IL18BP: variants seen among roughly 807,000 people sequenced by gnomAD.
The protein encoded by IL18BP is interleukin 18 binding protein, also known as interleukin-18-binding protein.
IL18BP carries 23 observed loss-of-function variants against 19.9 expected under a neutral mutation model. The observed-to-expected ratio is 1.15, with a 90% CI of 0.83 to 1.64. The LOEUF (loss-of-function observed/expected upper bound fraction) is 1.64. IL18BP is among the 40% of genes most tolerant of loss of function. IL18BP has a pLI of 0.00. For synonymous variants in IL18BP, 107 were observed against 101.0 expected (o/e 1.06, Z -0.35); for missense variants, 239 against 240.7 (o/e 0.99, Z 0.05).
At chr11:71,999,164 G>A (rs1278386015) in intron 1 of IL18BP, 145 bp downstream of exon 1, 1 of 517,020 alleles carries the variant, frequency 1.9e-6, no homozygotes, top group Non-Finnish European at 3.9e-6. Flanking sequence ...GCCTGGGAAA[G>A]GCCAGGATGT....
downstream of IL18BP, chr11:72,005,482 C>A: frequency 1.0e-6 from 1 of 991,580 alleles, no homozygotes. Context: ...TGAAGCCCAG[C>A]ACACCAGTCT....
intron 1 of IL18BP, 72 bp downstream of exon 1, chr11:71,999,091 G>A (rs149752527): frequency 2.0e-6 from 1 of 502,002 alleles, no homozygotes; most frequent in African/African-American, 1.9e-5. Flanking sequence ...AGAGACAGAG[G>A]GTGTGATGGT....
Position 71,998,997 on chromosome 11 carries a change from C to G in IL18BP, c.-81C>G. 3.0e-6 allele frequency: 1 copy of G among 338,332 alleles called. No individual in the cohort carries two copies. The highest frequency in any genetic ancestry group is 2.4e-5 in the South Asian group (1 of 40,868). The allele number at this position is 338,332 out of a possible 1,614,324, so 21.0% of individuals were successfully genotyped here. A position where few individuals can be genotyped will look rare whatever the true frequency, so the allele number is the denominator to read the frequency against. On this transcript the variant is annotated 5_prime_UTR_variant, in exon 1 of 6. Transcript: ENST00000393703. The stretch of plus-strand genomic sequence containing the variant: ...AGGGAAGCTTCTGGAAAGGAAGGCT[C>G]TTCAGGACCTCTTAGGAGCCAGGTA...
rs1955289880 is a variant in IL18BP at position 72,002,150 on chromosome 11, A to G, written c.*289A>G. The G allele has an allele frequency of 4.1e-6, 2 of 488,134 alleles. No individual in the cohort carries two copies. The highest frequency in any genetic ancestry group is 3.1e-5 in the South Asian group (1 of 32,568). The allele number at this position is 488,134 out of a possible 1,614,324, so 30.2% of individuals were successfully genotyped here. ...ACTGCTCTACTGCTCAGAAACCACCAAGACTGTTGATGCCTTAGCCTTGCA... is the reference window on the plus strand; with the variant it reads ...ACTGCTCTACTGCTCAGAAACCACCGAGACTGTTGATGCCTTAGCCTTGCA... On this transcript the variant is annotated 3_prime_UTR_variant, in exon 6 of 6. Transcript: ENST00000393703.
chr11:72,001,469 G>A lies in IL18BP; in HGVS notation c.424G>A (p.Ala142Thr). 6.2e-7 allele frequency: 1 copy of A among 1,614,150 alleles called. No individual in the cohort carries two copies. The highest frequency in any genetic ancestry group is 8.5e-7 in the Non-Finnish European group (1 of 1,180,022). ...KALVLEQLTP[A>T]LHSTNFSCVL... ...CTTGGTGCTGGAGCAGCTGACCCCT[G>A]CCCTGCACAGCACCAACTTCTCCTG... Residue 142 changes from alanine to threonine, a missense_variant, in exon 5 of 6, where the codon GCC (alanine) becomes ACC (threonine). Coordinates refer to ENST00000393703, the MANE Select transcript of IL18BP (RefSeq NM_001039660.2).
At position 72,001,433 on chromosome 11, in the gene IL18BP, C is replaced by G. The variant is rs1359180883; in HGVS notation, c.388C>G (p.Leu130Val). 1.2e-5 allele frequency: 19 copies of G among 1,614,130 alleles called. No homozygotes were observed. In the Admixed American group the frequency reaches 3.2e-4, roughly 27 times the overall value. Residue 130 changes from leucine (L) to valine (V), a missense_variant, in exon 5 of 6, where the codon CTG becomes GTG. Coordinates refer to ENST00000393703, the MANE Select transcript of IL18BP (RefSeq NM_001039660.2). ...GGAACGTGGGAGCACAGGTACGCAG[C>G]TGTGCAAGGCCTTGGTGCTGGAGCA... Reference protein sequence around the residue: ...SRERGSTGTQLCKALVLEQLT... With the variant: ...SRERGSTGTQVCKALVLEQLT...
downstream of IL18BP, chr11:72,004,897 A>C: frequency 7.5e-7 from 1 of 1,327,234 alleles, no homozygotes; most frequent in Non-Finnish European, 1.0e-6. Flanking sequence ...AGAACTCTAC[A>C]CTCGCCCGAC....
chr11:72,004,377 AGAG>A, downstream of IL18BP: 1 of 1,575,352 alleles, frequency 6.3e-7, no homozygotes, highest in Non-Finnish European at 8.7e-7. Flanking sequence ...GACAGTAGCA[AGAG>A]GAGTCACATC....
intron 1 of IL18BP, chr11:71,999,492 C>T (rs1955098761): frequency 1.4e-5 from 3 of 214,938 alleles, no homozygotes; most frequent in South Asian, 6.2e-5. Context: ...TTTCTGGCCA[C>T]TGAACTTTGG....
intron 1 of IL18BP, chr11:71,999,563 A>AG (rs989005531): frequency 1.4e-5 from 3 of 219,624 alleles, no homozygotes; most frequent in Non-Finnish European, 2.8e-5. Context: ...AGTGAAATAG[A>AG]GGGTCGGGGC....
At chr11:71,999,672 T>G in intron 1 of IL18BP, 1 of 381,530 alleles carries the variant, frequency 2.6e-6, no homozygotes. Flanking sequence ...GGTGAGTCCA[T>G]ATTCTCTCTT....
chr11:72,006,707 C>A (rs2134496752), downstream of IL18BP, among the ~76,000 whole-genome samples: 1 of 152,304 alleles, frequency 6.6e-6, no homozygotes, highest in Middle Eastern at 3.4e-3. Context: ...CCAGAACTTC[C>A]CCAACTTCTT....
rs746719113 is a variant in IL18BP, at chr11:72,001,519, T to C, written c.474T>C (p.Val158=). Residue 158 remains valine, a synonymous_variant, in exon 5 of 6, where the codon GTT becomes GTC. Coordinates refer to ENST00000393703, the MANE Select transcript of IL18BP (RefSeq NM_001039660.2). ...GTGTGCTCGTGGACCCTGAACAGGTTGTCCAGCGTCACGTCGTCCTGGCCC... is the reference window on the plus strand; with the variant it reads ...GTGTGCTCGTGGACCCTGAACAGGTCGTCCAGCGTCACGTCGTCCTGGCCC... ...FSCVLVDPEQ[V]VQRHVVLAQL... The C allele has an allele frequency of 1.4e-5, 23 of 1,613,696 alleles. No individual in the cohort carries two copies. In the Admixed American group the frequency reaches 2.2e-4, roughly 15 times the overall value.
At chr11:72,004,109 A>C (rs773616938), downstream of IL18BP, 17 of 1,613,002 alleles carry the variant, frequency 1.1e-5, no homozygotes, top group Admixed American at 5.0e-5. Context: ...CCTGCAAGGA[A>C]GGGCTGTCAG....
chr11:72,001,304 A>G lies in IL18BP; in HGVS notation c.339A>G (p.Arg113=), dbSNP rs761365336. The change falls in exon 4 of 6, where the codon CGA becomes CGG. Residue 113 remains arginine (R), a synonymous_variant. Transcript: ENST00000393703. Reference sequence around the variant, plus strand: ...CCTTCATTGAGCACCTCCCAGGCCGACTGTGGGAGGGGAGCACCAGGTGAG... The same window carrying G: ...CCTTCATTGAGCACCTCCCAGGCCGGCTGTGGGAGGGGAGCACCAGGTGAG... ...NGSFIEHLPG[R]LWEGSTSRER... 34 of 1,614,064 alleles carry G rather than the reference A, an allele frequency of 2.1e-5. No individual in the cohort carries two copies. Among genetic ancestry groups the G allele is most frequent in the Non-Finnish European group, 2.8e-5 (33 of 1,180,032 alleles).
downstream of IL18BP, chr11:72,006,146 C>G (rs759887060): frequency 1.2e-6 from 2 of 1,614,160 alleles, no homozygotes; most frequent in East Asian, 4.5e-5. Flanking sequence ...TCGGGAGAAC[C>G]CAGGCGAGCT....
Position 72,002,067 on chromosome 11 carries a change from T to C in IL18BP, c.*206T>C. Reference sequence around the variant, plus strand: ...ATCACAGCCTCCTTATAATGCCTCCTCCTCCTGCCATTCTCTCTCCACCTA... The same window carrying C: ...ATCACAGCCTCCTTATAATGCCTCCCCCTCCTGCCATTCTCTCTCCACCTA... On this transcript the variant is annotated 3_prime_UTR_variant, in exon 6 of 6. Transcript: ENST00000393703. 1.5e-6 allele frequency: 1 copy of C among 676,280 alleles called. No homozygotes were observed. Among genetic ancestry groups the C allele is most frequent in the Admixed American group, 2.8e-5 (1 of 35,802 alleles). 41.9% of individuals were successfully genotyped at this position (676,280 alleles called of 1,614,324 possible).
chr11:72,003,537 G>A (rs1955406660), downstream of IL18BP: 2 of 1,614,054 alleles, frequency 1.2e-6, no homozygotes, highest in African/African-American at 1.3e-5. Context: ...TTAGTGCTTT[G>A]CCTGAAAGAG....
downstream of IL18BP, chr11:72,004,441 C>T (rs1026062883): frequency 1.5e-5 from 19 of 1,249,256 alleles, no homozygotes; most frequent in East Asian, 2.8e-4. Context: ...TGTAAGTCAA[C>T]GTGCAACCTG....
Sources: allele counts gnomAD v4.1 joint callset (sites outside exome capture counted in the v4.1 genomes callset), GRCh38; gene constraint gnomAD v4.1.1; transcripts MANE v1.5; gene names NCBI Gene and HGNC (gene_info 2026-07-23, HGNC 2026-07-21).